MINK1: variants seen among roughly 807,000 people sequenced by gnomAD.
The protein encoded by MINK1 is misshapen like kinase 1, also known as misshapen-like kinase 1.
MINK1 carries 46 observed loss-of-function variants against 178.4 expected under a neutral mutation model. The observed-to-expected ratio is 0.26, with a 90% CI of 0.20 to 0.33. The LOEUF is 0.33. Ranked by LOEUF, MINK1 falls within the 10% of genes least tolerant of loss-of-function variation. The pLI is 1.00. For missense variants in MINK1, 1,366 were observed against 1,814.9 expected, an observed-to-expected ratio of 0.75 and a Z score of 4.49; for synonymous variants, 797 against 709.7, an observed-to-expected ratio of 1.12 and a Z score of -1.96.
chr17:4,887,439 TA>T lies in MINK1; in HGVS notation c.1020-139del. The T allele has an allele frequency of 1.2e-6, 1 of 821,984 alleles. No homozygotes were observed. Among genetic ancestry groups the T allele is most frequent in the Non-Finnish European group, 1.9e-6 (1 of 527,854 alleles). 50.9% of individuals were successfully genotyped at this position (821,984 alleles called of 1,614,324 possible). On this transcript the variant is annotated intron_variant, in intron 11 of 31. Transcript: ENST00000355280. The surrounding 1 kb of genome is among the most constrained non-coding windows in gnomAD (Gnocchi z 7.6). ...CTGAAGACTGGGCAGAAGGGGACGG[TA>T]AGTCTCCTGGCCACCTGGGAGTGGC...
intron 1 of MINK1, among the ~76,000 whole-genome samples, chr17:4,853,272 G>T (rs551404827): frequency 2.7e-4 from 21 of 76,980 alleles, no homozygotes; most frequent in African/African-American, 1.1e-3. Context: ...TGGGGGGAAT[G>T]TGGTTGGTAG....
intron 1 of MINK1, among the ~76,000 whole-genome samples, chr17:4,855,861 C>G (rs1227483865): frequency 6.6e-6 from 1 of 151,308 alleles, no homozygotes; most frequent in Admixed American, 6.6e-5. Context: ...GTAATCCCAG[C>G]TACTCAGGAG....
In MINK1 at chr17:4,861,694, T is replaced by G. The variant is rs571602762; in HGVS notation, c.58-16623T>G. ...TTCTGTATTTTTAGTAGAGACAGAG[T>G]TTCACCATGTTGGCCAGGCTGGTCT... On this transcript the variant is annotated intron_variant, in intron 1 of 31. Coordinates refer to ENST00000355280, the MANE Select transcript of MINK1 (RefSeq NM_153827.5). 215 of 296,848 alleles carry G rather than the reference T, an allele frequency of 7.2e-4. 1 individual carries two copies. Among genetic ancestry groups the G allele is most frequent in the African/African-American group, 4.6e-3 (204 of 44,404 alleles). The allele number at this position is 296,848 out of a possible 1,614,324, so 18.4% of individuals were successfully genotyped here.
intron 13 of MINK1, chr17:4,890,097 C>T (rs966449878): frequency 6.4e-6 from 3 of 472,186 alleles, no homozygotes; most frequent in South Asian, 2.5e-5. Context: ...CTCTCTTACT[C>T]TTCCCCTGCA....
At chr17:4,860,093 G>A (rs887736171) in intron 1 of MINK1, among the ~76,000 whole-genome samples, 1 of 152,126 alleles carries the variant, frequency 6.6e-6, no homozygotes, top group Non-Finnish European at 1.5e-5. Context: ...TGCCGCATGC[G>A]GAGCGGGGTA....
At chr17:4,873,183 A>G (rs1253550530) in intron 1 of MINK1, among the ~76,000 whole-genome samples, 3 of 152,206 alleles carry the variant, frequency 2.0e-5, no homozygotes, top group Non-Finnish European at 4.4e-5. Flanking sequence ...TTGGCCATCC[A>G]CATTCTCCCT....
rs754624769 is a variant in MINK1, at chr17:4,894,334, C to A, written c.2808+23C>A. On this transcript the variant is annotated intron_variant, in intron 23 of 31. Coordinates refer to ENST00000355280, the MANE Select transcript of MINK1 (RefSeq NM_153827.5). This position sits in a 1 kb window ranked among gnomAD's most constrained non-coding sequence, Gnocchi z 4.1. ...GACGTAAGTGGGCCGGAGGCAGGTCCGCCGGGAGAGAAGAGCCCTGGCGAT... is the reference window on the plus strand; with the variant it reads ...GACGTAAGTGGGCCGGAGGCAGGTCAGCCGGGAGAGAAGAGCCCTGGCGAT... 9 of 1,606,064 alleles carry A rather than the reference C, an allele frequency of 5.6e-6. No homozygotes were observed. Among genetic ancestry groups the A allele is most frequent in the Non-Finnish European group, 7.6e-6 (9 of 1,177,386 alleles).
intron 16 of MINK1, 144 bp from the exon 17 acceptor site, chr17:4,892,005 C>A: frequency 1.3e-6 from 1 of 790,726 alleles, no homozygotes; most frequent in Non-Finnish European, 2.1e-6. Context: ...GGCTTCATAA[C>A]CCTGGACGTA....
At chr17:4,867,631 C>G (rs1915236719) in intron 1 of MINK1, among the ~76,000 whole-genome samples, 1 of 152,080 alleles carries the variant, frequency 6.6e-6, no homozygotes, top group African/African-American at 2.4e-5. Context: ...GAAACCCCAT[C>G]TCTACTAAAA....
At chr17:4,845,610 C>T (rs1910898247) in intron 1 of MINK1, among the ~76,000 whole-genome samples, 1 of 152,008 alleles carries the variant, frequency 6.6e-6, no homozygotes, top group South Asian at 2.1e-4. Context: ...CCTGGACAGA[C>T]CCAAAGCATG....
chr17:4,889,358 G>T (rs1968537498), intron 12 of MINK1, among the ~76,000 whole-genome samples: 1 of 152,144 alleles, frequency 6.6e-6, no homozygotes, highest in Admixed American at 6.5e-5. Flanking sequence ...TTCGGCTTTG[G>T]TTTGTTGTTT....
intron 20 of MINK1, 162 bp downstream of exon 20, chr17:4,893,229 C>T (rs1013464350): frequency 1.2e-6 from 2 of 1,607,628 alleles, no homozygotes; most frequent in Non-Finnish European, 1.7e-6. Flanking sequence ...TAACCTCTCT[C>T]CTAACCTCTC....
chr17:4,863,711 G>A (rs1487996028), intron 1 of MINK1, among the ~76,000 whole-genome samples: 1 of 152,142 alleles, frequency 6.6e-6, no homozygotes, highest in Non-Finnish European at 1.5e-5. Flanking sequence ...TTTGTCATGT[G>A]AGATTATACT....
chr17:4,884,742 G>A (rs1219331645), intron 5 of MINK1, among the ~76,000 whole-genome samples, 170 bp from the exon 6 acceptor site: 1 of 152,190 alleles, frequency 6.6e-6, no homozygotes. Flanking sequence ...CCTCTCTGAG[G>A]AAGCTCTCCA....
In MINK1 at chr17:4,891,073, C is replaced by A; in HGVS notation, c.1689C>A (p.Ser563=). Residue 563 remains serine, a synonymous_variant, in exon 15 of 32, where the codon TCC becomes TCA. Transcript: ENST00000355280. ...CCCCAGGGCCCCCAGGACCCCTTTCCCAGACTCCTCCTATGCAGAGGCCGG... is the reference window on the plus strand; with the variant it reads ...CCCCAGGGCCCCCAGGACCCCTTTCACAGACTCCTCCTATGCAGAGGCCGG... ...QASPGPPGPL[S]QTPPMQRPVE... 1 of 1,553,414 alleles carries A rather than the reference C, an allele frequency of 6.4e-7. No homozygotes were observed. The highest frequency in any genetic ancestry group is 8.7e-7 in the Non-Finnish European group (1 of 1,148,734).
At chr17:4,838,878 A>G (rs1909698421) in intron 1 of MINK1, among the ~76,000 whole-genome samples, 1 of 152,146 alleles carries the variant, frequency 6.6e-6, no homozygotes, top group Non-Finnish European at 1.5e-5. Context: ...TCAGTCCTCT[A>G]CTAAGCTATT....
intron 1 of MINK1, among the ~76,000 whole-genome samples, chr17:4,850,039 C>T (rs1911693459): frequency 1.3e-5 from 2 of 152,138 alleles, no homozygotes; most frequent in Non-Finnish European, 1.5e-5. Flanking sequence ...CTCCTTGAAT[C>T]GTTCTGATAG....
intron 1 of MINK1, among the ~76,000 whole-genome samples, chr17:4,867,437 C>T (rs1030329609): frequency 2.6e-5 from 4 of 151,818 alleles, no homozygotes; most frequent in African/African-American, 9.7e-5. Flanking sequence ...ATCACTTGAG[C>T]CCAGGAGTTT....
intron 1 of MINK1, 91 bp from the exon 2 acceptor site, chr17:4,878,226 A>G: frequency 1.7e-6 from 2 of 1,191,606 alleles, no homozygotes; most frequent in Non-Finnish European, 2.4e-6. Context: ...CTTCACTCCC[A>G]TATCTTGACT....
Sources: allele counts gnomAD v4.1 joint callset (sites outside exome capture counted in the v4.1 genomes callset), GRCh38; gene constraint gnomAD v4.1.1; non-coding constraint Gnocchi (gnomAD v3.1); transcripts MANE v1.5; gene names NCBI Gene and HGNC (gene_info 2026-07-23, HGNC 2026-07-21).